THSD7B: variants seen among roughly 807,000 people sequenced by gnomAD.
THSD7B encodes thrombospondin type-1 domain-containing protein 7B.
In THSD7B, 138 loss-of-function variants were observed where a neutral mutation model predicts 213.6. That is an observed-to-expected ratio of 0.65 (90% CI 0.56 to 0.74). The LOEUF is 0.74. THSD7B is among the 30% of genes least tolerant of loss of function. THSD7B has a pLI of 0.00. For synonymous variants in THSD7B, 742 were observed against 687.0 expected (o/e 1.08, Z -1.25); for missense variants, 1,931 against 1,991.5 (o/e 0.97, Z 0.58).
intron 12 of THSD7B, among the ~76,000 whole-genome samples, chr2:137,354,426 A>G (rs1338898986): frequency 2.6e-5 from 4 of 152,132 alleles, no homozygotes; most frequent in Admixed American, 6.6e-5. Flanking sequence ...GCAATAATTT[A>G]TAATCGTATT....
Position 136,820,633 on chromosome 2 carries a change from A to C in THSD7B, c.-36+54946A>C, listed in dbSNP as rs57164663. Reference sequence around the variant, plus strand: ...ATGAAATGTGTGGTCCTAGATTAGAAAAAAATGCTATGAAGGTCATTATTG... The same window carrying C: ...ATGAAATGTGTGGTCCTAGATTAGACAAAAATGCTATGAAGGTCATTATTG... On this transcript the variant is annotated intron_variant, in intron 1 of 27. Transcript: ENST00000409968. Among the ~76,000 whole-genome samples the C allele has an allele frequency of 7.8e-3, 1,187 of 152,338 alleles. 18 individuals are homozygous for C. Among genetic ancestry groups the C allele is most frequent in the African/African-American group, 0.027 (1,123 of 41,574 alleles).
At chr2:137,334,012 C>T (rs1684578388) in intron 12 of THSD7B, among the ~76,000 whole-genome samples, 1 of 152,186 alleles carries the variant, frequency 6.6e-6, no homozygotes, top group Admixed American at 6.5e-5. Flanking sequence ...GTTTCTGTCA[C>T]AACTACTCAA....
intron 15 of THSD7B, among the ~76,000 whole-genome samples, chr2:137,494,773 C>G (rs1679520814): frequency 6.6e-6 from 1 of 152,168 alleles, no homozygotes; most frequent in Non-Finnish European, 1.5e-5. Context: ...TGATCTGGTG[C>G]TATGCCTCTA....
At chr2:136,878,494 C>T (rs1176061996) in intron 1 of THSD7B, among the ~76,000 whole-genome samples, 1 of 152,180 alleles carries the variant, frequency 6.6e-6, no homozygotes, top group Non-Finnish European at 1.5e-5. Context: ...AATTGCCACA[C>T]TGACTTCCAC....
chr2:137,001,952 A>T (rs1201621512), intron 2 of THSD7B, among the ~76,000 whole-genome samples: 1 of 151,980 alleles, frequency 6.6e-6, no homozygotes, highest in Non-Finnish European at 1.5e-5. Flanking sequence ...TCATCATTTT[A>T]TTCCTGTGTA....
In THSD7B at chr2:136,882,264, C is replaced by T. The variant is rs980443552; in HGVS notation, c.86C>T (p.Ser29Phe). The part of the protein sequence containing the change: ...KLFLLLSLLL[S>F]HAAHLEGKKD... ...TTTCTATTGCTTTCTCTCTTGCTGT[C>T]CCATGCAGCTCATTTGGAAGGCAAA... Residue 29 changes from serine to phenylalanine, a missense_variant, in exon 2 of 28, where the codon TCC becomes TTC. By Grantham distance (155) the Ser-to-Phe change is radical. Coordinates refer to ENST00000409968, the MANE Select transcript of THSD7B (RefSeq NM_001316349.2). 1.3e-6 allele frequency: 2 copies of T among 1,544,716 alleles called. No individual in the cohort carries two copies. Among genetic ancestry groups the T allele is most frequent in the Non-Finnish European group, 1.7e-6 (2 of 1,144,464 alleles).
At chr2:137,177,618 A>G (rs1224566613) in intron 7 of THSD7B, among the ~76,000 whole-genome samples, 1 of 152,186 alleles carries the variant, frequency 6.6e-6, no homozygotes, top group Admixed American at 6.5e-5. Context: ...ATTTCTGGCA[A>G]GTTCCCAGGT....
At chr2:137,114,524 A>G (rs1688410854) in intron 4 of THSD7B, among the ~76,000 whole-genome samples, 1 of 152,244 alleles carries the variant, frequency 6.6e-6, no homozygotes, top group South Asian at 2.1e-4. Flanking sequence ...GTATGGCTGC[A>G]TATGTAAAAA....
rs1258240687 is a variant in THSD7B at position 137,452,098 on chromosome 2, G to C, written c.3138+1075G>C. On this transcript the variant is annotated intron_variant, in intron 15 of 27. Coordinates refer to ENST00000409968, the MANE Select transcript of THSD7B (RefSeq NM_001316349.2). ...AATCTCTTTAGCTATTTTTTTCTAAGTTTTTATAAAAGACATATAACTCAC... is the reference window on the plus strand; with the variant it reads ...AATCTCTTTAGCTATTTTTTTCTAACTTTTTATAAAAGACATATAACTCAC... 4.5e-6 allele frequency: 4 copies of C among 886,232 alleles called. No individual in the cohort carries two copies. In the African/African-American group the frequency reaches 7.2e-5, roughly 16 times the overall value. The allele number at this position is 886,232 out of a possible 1,614,324, so 54.9% of individuals were successfully genotyped here.
chr2:137,310,575 T>C (rs200489932), intron 12 of THSD7B, among the ~76,000 whole-genome samples: 8,268 of 151,544 alleles, frequency 0.055, 287 homozygotes, highest in East Asian at 0.1. Flanking sequence ...ATGAAGTCCT[T>C]GCCCGTGCCT....
intron 10 of THSD7B, among the ~76,000 whole-genome samples, chr2:137,257,359 T>G (rs1682335293): frequency 6.6e-6 from 1 of 152,166 alleles, no homozygotes; most frequent in African/African-American, 2.4e-5. Context: ...TCAACGGATT[T>G]AATAGAAACA....
intron 14 of THSD7B, among the ~76,000 whole-genome samples, chr2:137,443,041 G>GA: frequency 6.6e-6 from 1 of 152,122 alleles, no homozygotes. Context: ...GCAGTAATGG[G>GA]AAAAATAGCT....
chr2:137,336,647 CAATGAGCTA>C (rs1573968593), intron 12 of THSD7B, among the ~76,000 whole-genome samples: 3 of 152,204 alleles, frequency 2.0e-5, no homozygotes, highest in African/African-American at 7.2e-5. Context: ...TGAGGAGCTG[CAATGAGCTA>C]GAACACAGGA....
At chr2:137,053,136 G>A (rs1206535617) in intron 2 of THSD7B, among the ~76,000 whole-genome samples, 1 of 152,010 alleles carries the variant, frequency 6.6e-6, no homozygotes, top group Non-Finnish European at 1.5e-5. Flanking sequence ...TTTACATACT[G>A]CCTTCATTAC....
At chr2:137,377,936 T>G (rs773418447) in intron 12 of THSD7B, among the ~76,000 whole-genome samples, 2 of 152,162 alleles carry the variant, frequency 1.3e-5, no homozygotes, top group Admixed American at 6.5e-5. Context: ...AAATTCACCC[T>G]TTAAAGTGTA....
At position 137,244,109 on chromosome 2, in the gene THSD7B, A is replaced by G. The variant is rs151296415; in HGVS notation, c.2266+1537A>G. Among the ~76,000 whole-genome samples, 3 of 152,254 alleles carry G rather than the reference A, an allele frequency of 2.0e-5. No individual in the cohort carries two copies. The East Asian group carries it at 5.8e-4, about 29-fold the overall frequency. On this transcript the variant is annotated intron_variant, in intron 10 of 27. Transcript: ENST00000409968. ...CAAGGATAGAAAAGCTTCTGTCTCT[A>G]CTCTGAGCCATTTGAAAGGCAGCAT...
At chr2:137,269,095 A>G (rs1682671606) in intron 10 of THSD7B, among the ~76,000 whole-genome samples, 1 of 152,174 alleles carries the variant, frequency 6.6e-6, no homozygotes, top group Non-Finnish European at 1.5e-5. Flanking sequence ...GATAGTTCAC[A>G]CATCTCTGGT....
intron 3 of THSD7B, among the ~76,000 whole-genome samples, chr2:137,075,232 G>T (rs963409237): frequency 6.6e-6 from 1 of 152,188 alleles, no homozygotes; most frequent in Non-Finnish European, 1.5e-5. Flanking sequence ...CCAGTCAAAT[G>T]TAGATTTGGT....
At chr2:136,868,100 CCACACACACACACGCGCGCGCACACA>C (rs1434745465) in intron 1 of THSD7B, among the ~76,000 whole-genome samples, 1 of 147,264 alleles carries the variant, frequency 6.8e-6, no homozygotes, top group Admixed American at 6.7e-5. Flanking sequence ...ACACACCACA[CCACACACACACACGCGCGCGCACACA>C]CACACACACA....
Sources: gnomAD v4.1 joint callset for allele counts (sites outside exome capture counted in the v4.1 genomes callset) on GRCh38, gnomAD v4.1.1 for gene constraint, MANE v1.5 for transcripts, NCBI Gene and HGNC (gene_info 2026-07-23, HGNC 2026-07-21) for gene names.